Variants in AGPAT3 observed in about 807,000 individuals in gnomAD.
The protein encoded by AGPAT3 is 1-acyl-sn-glycerol-3-phosphate acyltransferase gamma.
In AGPAT3, 5 loss-of-function variants were observed where a neutral mutation model predicts 47.3. The observed-to-expected ratio is 0.11, with a 90% confidence interval of 0.06 to 0.22. AGPAT3 has a LOEUF of 0.22. Among genes scored for constraint, AGPAT3 ranks in the 10% least tolerant of loss-of-function variants. The probability of loss-of-function intolerance (pLI) is 1.00; values close to 1 mark genes in which losing one functional copy is unlikely to be tolerated. For missense variants in AGPAT3, 315 were observed against 493.0 expected, an observed-to-expected ratio of 0.64 and a Z score of 3.42; for synonymous variants, 212 against 208.3, an observed-to-expected ratio of 1.02 and a Z score of -0.15.
In AGPAT3 at chr21:43,987,164, C is replaced by T. The variant is rs898307883; in HGVS notation, c.*4772C>T. Among the ~76,000 whole-genome samples, 10 of 152,236 alleles carry T rather than the reference C, an allele frequency of 6.6e-5. No individual in the cohort carries two copies. Among genetic ancestry groups the T allele is most frequent in the African/African-American group, 1.9e-4 (8 of 41,462 alleles). On this transcript the variant is annotated 3_prime_UTR_variant, in exon 10 of 10. Transcript: ENST00000291572. ...GACTCCGTGCCTCCTTCTGTTTCTT[C>T]GTTTCCAGTCTGCATAGATGTCTCC...
chr21:43,884,999 C>T (rs1013270004), intron 1 of AGPAT3, among the ~76,000 whole-genome samples: 4 of 152,260 alleles, frequency 2.6e-5, no homozygotes, highest in Admixed American at 6.5e-5. Context: ...ACTCATGCCC[C>T]GTGGCATTCT....
intron 2 of AGPAT3, among the ~76,000 whole-genome samples, chr21:43,917,518 G>A (rs1242330311): frequency 6.6e-6 from 1 of 152,188 alleles, no homozygotes; most frequent in Admixed American, 6.5e-5. Context: ...AGGTTTAGTC[G>A]CTTGCTGCTG....
rs749516616 is a variant in AGPAT3, at chr21:43,952,407, G to A, written c.-48-7227G>A. Among the ~76,000 whole-genome samples the A allele has an allele frequency of 1.3e-5, 2 of 152,218 alleles. No homozygotes were observed. Among genetic ancestry groups the A allele is most frequent in the Non-Finnish European group, 2.9e-5 (2 of 68,036 alleles). ...GACCTGGGCATTACCTTTGTGGAAG[G>A]AACTCAGTTCACCCTAACAAAAGGT... On this transcript the variant is annotated intron_variant, in intron 2 of 9. Coordinates refer to ENST00000291572, the MANE Select transcript of AGPAT3 (RefSeq NM_020132.5). This position sits in a 1 kb window ranked among gnomAD's most constrained non-coding sequence, Gnocchi z 5.6.
chr21:43,939,668 C>T lies in AGPAT3; in HGVS notation c.-48-19966C>T, dbSNP rs562780487. On this transcript the variant is annotated intron_variant, in intron 2 of 9. Transcript: ENST00000291572. The surrounding 1 kb of genome is among the most constrained non-coding windows in gnomAD (Gnocchi z 4.4). ...CATGCCCCACATGCAGGACGTTTGC[C>T]TATCACTTGGAGGCCTTTCAGGGAT... is the stretch of plus-strand genomic sequence containing the variant. 1.3e-5 allele frequency among the ~76,000 whole-genome samples: 2 copies of T among 152,324 alleles called. No individual in the cohort carries two copies. Among genetic ancestry groups the T allele is most frequent in the East Asian group, 3.9e-4 (2 of 5,182 alleles).
At chr21:43,935,262 A>G (rs2087401868) in intron 2 of AGPAT3, among the ~76,000 whole-genome samples, 1 of 152,252 alleles carries the variant, frequency 6.6e-6, no homozygotes, top group African/African-American at 2.4e-5. Context: ...AGGGAGCAGG[A>G]GGCAGGCTCA....
chr21:43,941,385 A>G (rs1167754180), intron 2 of AGPAT3, among the ~76,000 whole-genome samples: 1 of 152,194 alleles, frequency 6.6e-6, no homozygotes, highest in Non-Finnish European at 1.5e-5. Flanking sequence ...CAGTTTATGT[A>G]AAAACGATCA....
rs114973818 is a variant in AGPAT3, at chr21:43,880,139, A to G, written c.-112+14794A>G. Among the ~76,000 whole-genome samples, 785 of 152,342 alleles carry G rather than the reference A, an allele frequency of 5.2e-3. 6 individuals carry two copies. Among genetic ancestry groups the G allele is most frequent in the African/African-American group, 0.017 (717 of 41,578 alleles). On this transcript the variant is annotated intron_variant, in intron 1 of 9. Coordinates refer to ENST00000291572, the MANE Select transcript of AGPAT3 (RefSeq NM_020132.5). The surrounding 1 kb of genome is among the most constrained non-coding windows in gnomAD (Gnocchi z 4.5). ...GACTTGAGCTTCGACATCAGTTGGCACTGGCCTTTTGCACCCATGAAATTG... is the reference window on the plus strand; with the variant it reads ...GACTTGAGCTTCGACATCAGTTGGCGCTGGCCTTTTGCACCCATGAAATTG...
rs528939652 is a variant in AGPAT3 at position 43,934,775 on chromosome 21, C to T, written c.-48-24859C>T. On this transcript the variant is annotated intron_variant, in intron 2 of 9. Transcript: ENST00000291572. The surrounding 1 kb of genome is among the most constrained non-coding windows in gnomAD (Gnocchi z 4.7). ...ACCCACGTGCTGCCATATCACATCA[C>T]GCCACCCACGCCACTCACACGCCAC... Among the ~76,000 whole-genome samples the T allele has an allele frequency of 2.0e-5, 3 of 151,962 alleles. No homozygotes were observed. The highest frequency in any genetic ancestry group is 3.9e-4 in the East Asian group (2 of 5,174).
chr21:43,963,381 C>T (rs983073007), intron 3 of AGPAT3, among the ~76,000 whole-genome samples: 2 of 152,226 alleles, frequency 1.3e-5, no homozygotes, highest in Admixed American at 1.3e-4. Flanking sequence ...CAGAAATCCA[C>T]ACCTAGGCAG....
intron 1 of AGPAT3, chr21:43,867,605 T>TG: frequency 6.6e-6 from 1 of 152,520 alleles, no homozygotes; most frequent in South Asian, 2.1e-4. Flanking sequence ...GTAAATTCAA[T>TG]GGCTTCTGCT....
In AGPAT3 at chr21:43,984,242, G is replaced by A. The variant is rs73906699; in HGVS notation, c.*1850G>A. 2,199 of 152,434 alleles carry A rather than the reference G, an allele frequency of 0.014. 65 individuals carry two copies. Among genetic ancestry groups the A allele is most frequent in the African/African-American group, 0.05 (2,072 of 41,566 alleles). 9.4% of individuals were successfully genotyped at this position (152,434 alleles called of 1,614,324 possible). A position where few individuals can be genotyped will look rare whatever the true frequency, so the allele number is the denominator to read the frequency against. On this transcript the variant is annotated 3_prime_UTR_variant, in exon 10 of 10. Transcript: ENST00000291572. ...CCGCCCACTCGGGCAGCTGTGCCGT[G>A]GGCAGGGCATGCGCTCCCCTGGCTG...
At chr21:43,897,951 C>T (rs974511142) in intron 1 of AGPAT3, among the ~76,000 whole-genome samples, 1 of 152,162 alleles carries the variant, frequency 6.6e-6, no homozygotes, top group African/African-American at 2.4e-5. Context: ...CCAGCCCGGT[C>T]AACACGGCGT....
At position 43,970,780 on chromosome 21, in the gene AGPAT3, C is replaced by T. The variant is rs1306153024; in HGVS notation, c.638C>T (p.Thr213Ile). Reference sequence around the variant, plus strand: ...CTGCCGCGGACCAAGGGCTTCACCACCGCAGTCAAGTGCCTCCGGGGGACA... The same window carrying T: ...CTGCCGCGGACCAAGGGCTTCACCATCGCAGTCAAGTGCCTCCGGGGGACA... Reference protein sequence around the residue: ...HLLPRTKGFTTAVKCLRGTVA... With the variant: ...HLLPRTKGFTIAVKCLRGTVA... Residue 213 changes from threonine to isoleucine, a missense_variant, in exon 6 of 10, where the codon ACC (threonine) becomes ATC (isoleucine). Transcript: ENST00000291572. The surrounding 1 kb of genome is among the most constrained non-coding windows in gnomAD (Gnocchi z 5.8). 5 of 1,595,522 alleles carry T rather than the reference C, an allele frequency of 3.1e-6. No homozygotes were observed. In the Admixed American group the frequency reaches 5.1e-5, roughly 16 times the overall value.
intron 2 of AGPAT3, among the ~76,000 whole-genome samples, chr21:43,951,688 A>G (rs2088200295): frequency 6.6e-6 from 1 of 152,214 alleles, no homozygotes; most frequent in Non-Finnish European, 1.5e-5. Flanking sequence ...GGGGGATTTC[A>G]GCGCTGGTGA....
At position 43,985,063 on chromosome 21, in the gene AGPAT3, AG is replaced by A; in HGVS notation, c.*2674del. Reference sequence around the variant, plus strand: ...GCCACACTGGAGGCTCCCAGGCGGGAGGGCCCAGGCCCACCCACGGGCGTCT... The same window carrying A: ...GCCACACTGGAGGCTCCCAGGCGGGAGGCCCAGGCCCACCCACGGGCGTCT... On this transcript the variant is annotated 3_prime_UTR_variant, in exon 10 of 10. Transcript: ENST00000291572. 2.2e-6 allele frequency: 1 copy of A among 453,640 alleles called. No individual in the cohort carries two copies. The allele number at this position is 453,640 out of a possible 1,614,324, so 28.1% of individuals were successfully genotyped here. A position where few individuals can be genotyped will look rare whatever the true frequency, so the allele number is the denominator to read the frequency against.
rs528666625 is a variant in AGPAT3 at position 43,928,784 on chromosome 21, G to A, written c.-49+24765G>A. Among the ~76,000 whole-genome samples, 54 of 152,330 alleles carry A rather than the reference G, an allele frequency of 3.5e-4. No homozygotes were observed. The South Asian group carries it at 0.011, about 31-fold the overall frequency. On this transcript the variant is annotated intron_variant, in intron 2 of 9. Coordinates refer to ENST00000291572, the MANE Select transcript of AGPAT3 (RefSeq NM_020132.5). ...GATTTACTGAGGAGGGTGTGTTTGCGTGTGTTTGGCTACCTACGGATACTA... is the reference window on the plus strand; with the variant it reads ...GATTTACTGAGGAGGGTGTGTTTGCATGTGTTTGGCTACCTACGGATACTA...
intron 1 of AGPAT3, among the ~76,000 whole-genome samples, chr21:43,886,910 A>G (rs1397850615): frequency 6.6e-6 from 1 of 152,246 alleles, no homozygotes; most frequent in Non-Finnish European, 1.5e-5. Flanking sequence ...TGAACATGGA[A>G]GTGCAGGTAT....
At chr21:43,971,523 C>G in intron 7 of AGPAT3, 33 bp downstream of exon 7, 1 of 1,601,030 alleles carries the variant, frequency 6.2e-7, no homozygotes, top group Non-Finnish European at 8.6e-7. Flanking sequence ...TCGCGCCGCC[C>G]CCCATACCTT....
chr21:43,944,892 G>A (rs1017738650), intron 2 of AGPAT3, among the ~76,000 whole-genome samples: 3 of 152,248 alleles, frequency 2.0e-5, no homozygotes, highest in African/African-American at 7.2e-5. Flanking sequence ...CCAGGTGCGG[G>A]GGGGCCACGT....
Sources: allele counts gnomAD v4.1 joint callset (sites outside exome capture counted in the v4.1 genomes callset), GRCh38; gene constraint gnomAD v4.1.1; non-coding constraint Gnocchi (gnomAD v3.1); transcripts MANE v1.5; gene names NCBI Gene and HGNC (gene_info 2026-07-23, HGNC 2026-07-21).